The following NSMCE1 variants were observed in gnomAD, a reference collection of about 807,000 sequenced individuals.
NSMCE1 encodes the protein NSE1 component of SMC5/6 complex.
In NSMCE1, 18 loss-of-function variants were observed where a neutral mutation model predicts 29.6. The ratio of observed to expected loss-of-function variants is 0.61; its 90% CI spans 0.42 to 0.90. The LOEUF (loss-of-function observed/expected upper bound fraction) is 0.90. Ranked by LOEUF, NSMCE1 falls within the 40% of genes least tolerant of loss-of-function variation. The pLI is 0.00. For synonymous variants in NSMCE1, 124 were observed against 133.4 expected (o/e 0.93, Z 0.49); for missense variants, 314 against 343.6 (o/e 0.91, Z 0.68).
intron 2 of NSMCE1, among the ~76,000 whole-genome samples, chr16:27,244,998 T>C (rs12934622): frequency 0.29 from 44,183 of 152,052 alleles, 7,589 homozygotes; most frequent in African/African-American, 0.45. Context: ...TATCACACTA[T>C]CATACCAGCA....
chr16:27,248,436 G>T (rs1361031196), intron 2 of NSMCE1, among the ~76,000 whole-genome samples: 2 of 115,826 alleles, frequency 1.7e-5, no homozygotes, highest in Non-Finnish European at 3.3e-5. Context: ...TTTTGAGACA[G>T]AGTGTTGCTC....
rs536288244 is a variant in NSMCE1 at position 27,237,028 on chromosome 16, G to A, written c.137-1729C>T. 2.6e-5 allele frequency among the ~76,000 whole-genome samples: 4 copies of A among 152,282 alleles called. No homozygotes were observed. In the South Asian group the frequency reaches 8.3e-4, roughly 32 times the overall value. On this transcript the variant is annotated intron_variant, in intron 2 of 7. Coordinates refer to ENST00000361439, the MANE Select transcript of NSMCE1 (RefSeq NM_145080.4). ...GTGTGAAAGAGTCAAGGAAAACCCAGGCCAATGAGCTCTGTCAGAGGATCA... is the reference window on the plus strand; with the variant it reads ...GTGTGAAAGAGTCAAGGAAAACCCAAGCCAATGAGCTCTGTCAGAGGATCA...
At chr16:27,268,320 A>G (rs1220775113) in intron 1 of NSMCE1, 1 of 152,094 alleles carries the variant, frequency 6.6e-6, no homozygotes, top group Admixed American at 6.5e-5. Flanking sequence ...CAAAGGCTGT[A>G]TTTTCCATAG....
chr16:27,238,299 G>A (rs143145402), intron 2 of NSMCE1, among the ~76,000 whole-genome samples: 2,206 of 152,056 alleles, frequency 0.015, 18 homozygotes, highest in Middle Eastern at 0.034. Context: ...CTTCCCTCCC[G>A]CTTCTCTACC....
Position 27,225,034 on chromosome 16 carries a change from C to T in NSMCE1, c.*123G>A, listed in dbSNP as rs952030810. On this transcript the variant is annotated 3_prime_UTR_variant, in exon 8 of 8. Transcript: ENST00000361439. The stretch of plus-strand genomic sequence containing the variant: ...GGATGGTTTATTCCAAAGCTGTGGA[C>T]GGTGAACATTAAGACGAAAGAGGTG... The T allele has an allele frequency of 2.8e-5, 18 of 649,516 alleles. No individual in the cohort carries two copies. Among genetic ancestry groups the T allele is most frequent in the African/African-American group, 7.2e-5 (4 of 55,284 alleles). 40.2% of individuals were successfully genotyped at this position (649,516 alleles called of 1,614,324 possible).
chr16:27,229,002 G>T (rs1053997667), intron 5 of NSMCE1, among the ~76,000 whole-genome samples: 2 of 151,830 alleles, frequency 1.3e-5, no homozygotes, highest in Admixed American at 1.3e-4. Flanking sequence ...ACTCGCTACC[G>T]AACAAGCCTG....
intron 4 of NSMCE1, 102 bp from the exon 5 acceptor site, chr16:27,233,249 T>G: frequency 1.1e-6 from 1 of 946,062 alleles, no homozygotes; most frequent in Admixed American, 2.2e-5. Context: ...ACCACTCAGA[T>G]CACAGGCAGA....
intron 2 of NSMCE1, among the ~76,000 whole-genome samples, chr16:27,254,931 G>A (rs1040080157): frequency 5.1e-5 from 7 of 138,510 alleles, no homozygotes; most frequent in African/African-American, 1.9e-4. Flanking sequence ...CCAAGCTGGA[G>A]TGCAGGGGCA....
At position 27,232,846 on chromosome 16, in the gene NSMCE1, C is replaced by T. The variant is rs372628722; in HGVS notation, c.483+155G>A. Among the ~76,000 whole-genome samples, 38 of 152,358 alleles carry T rather than the reference C, an allele frequency of 2.5e-4. 2 individuals carry two copies. The highest frequency in any genetic ancestry group is 8.9e-4 in the African/African-American group (37 of 41,582). On this transcript the variant is annotated intron_variant, in intron 5 of 7. Transcript: ENST00000361439. The surrounding 1 kb of genome is among the most constrained non-coding windows in gnomAD (Gnocchi z 4.5). ...GCAGGAGGAGTGAGGCCCAAGTCCT[C>T]CCCACGGGGTCACTGCTGGAATGCA...
At chr16:27,225,348 C>T in intron 7 of NSMCE1, 112 bp from the exon 8 acceptor site, 2 of 694,176 alleles carry the variant, frequency 2.9e-6, no homozygotes, top group Non-Finnish European at 5.2e-6. Flanking sequence ...CCTAGGTCTA[C>T]ACCATCCTTC....
In NSMCE1 at chr16:27,257,527, T is replaced by C. The variant is rs780976121; in HGVS notation, c.44A>G (p.His15Arg). The C allele has an allele frequency of 1.2e-6, 2 of 1,614,056 alleles. No individual in the cohort carries two copies. Among genetic ancestry groups the C allele is most frequent in the South Asian group, 2.2e-5 (2 of 91,070 alleles). Residue 15 changes from histidine to arginine, a missense_variant, in exon 2 of 8, where the codon CAC becomes CGC. By Grantham distance (29) the His-to-Arg change is conservative. Coordinates refer to ENST00000361439, the MANE Select transcript of NSMCE1 (RefSeq NM_145080.4). The part of the protein sequence containing the change: ...TRRMGVMTDV[H>R]RRFLQLLMTH... ...CATCAGCAACTGGAGGAAGCGCCGG[T>C]GGACATCAGTCATGACGCCCATTCT... is the stretch of plus-strand genomic sequence containing the variant.
intron 1 of NSMCE1, among the ~76,000 whole-genome samples, chr16:27,264,611 CATACTAT>C (rs1433629889): frequency 6.6e-6 from 1 of 152,128 alleles, no homozygotes; most frequent in African/African-American, 2.4e-5. Context: ...ATTCTTACCT[CATACTAT>C]ATACAAACAT....
chr16:27,262,134 C>G (rs1298702969), intron 1 of NSMCE1, among the ~76,000 whole-genome samples: 2 of 151,846 alleles, frequency 1.3e-5, no homozygotes, highest in African/African-American at 2.4e-5. Flanking sequence ...ATCCCAGCTA[C>G]TCAGGAAGCT....
intron 2 of NSMCE1, among the ~76,000 whole-genome samples, chr16:27,252,782 G>A (rs932008091): frequency 1.3e-5 from 2 of 151,872 alleles, no homozygotes; most frequent in African/African-American, 4.8e-5. Context: ...AGCCGGGTGT[G>A]GTGGCTCACG....
chr16:27,244,567 T>C (rs929334199), intron 2 of NSMCE1, among the ~76,000 whole-genome samples: 6 of 151,854 alleles, frequency 4.0e-5, no homozygotes, highest in Non-Finnish European at 4.4e-5. Flanking sequence ...GCCCCTTCAC[T>C]CATGCTGCCT....
intron 1 of NSMCE1, among the ~76,000 whole-genome samples, chr16:27,263,241 C>G (rs900212233): frequency 6.6e-6 from 1 of 152,124 alleles, no homozygotes; most frequent in Non-Finnish European, 1.5e-5. Flanking sequence ...GACACATGCA[C>G]GGGAATGTTC....
chr16:27,226,567 G>C, intron 6 of NSMCE1, 153 bp downstream of exon 6: 1 of 600,350 alleles, frequency 1.7e-6, no homozygotes, highest in East Asian at 2.8e-5. Context: ...GTCCTGACAC[G>C]TCCTGGGAGA....
rs112927726 is a variant in NSMCE1, at chr16:27,257,060, G to A, written c.136+375C>T. 8.6e-3 allele frequency among the ~76,000 whole-genome samples: 1,303 copies of A among 152,090 alleles called. 12 individuals carry two copies. The highest frequency in any genetic ancestry group is 0.029 in the African/African-American group (1,202 of 41,480). On this transcript the variant is annotated intron_variant, in intron 2 of 7. Coordinates refer to ENST00000361439, the MANE Select transcript of NSMCE1 (RefSeq NM_145080.4). ...ATACCCCACTAGGCACTGTCTCTGCGCCACTGTCTTGTACATATCATGTCT... is the reference window on the plus strand; with the variant it reads ...ATACCCCACTAGGCACTGTCTCTGCACCACTGTCTTGTACATATCATGTCT...
intron 1 of NSMCE1, chr16:27,268,066 A>C (rs770630302): frequency 2.6e-5 from 4 of 152,144 alleles, no homozygotes. Flanking sequence ...GCGTATCTTC[A>C]TAACTTTAGC....
Sources: gnomAD v4.1 joint callset for allele counts (sites outside exome capture counted in the v4.1 genomes callset) on GRCh38, gnomAD v4.1.1 for gene constraint, Gnocchi (gnomAD v3.1) non-coding constraint, MANE v1.5 for transcripts, NCBI Gene and HGNC (gene_info 2026-07-23, HGNC 2026-07-21) for gene names.